Variants in CCDC32 observed in about 807,000 individuals in gnomAD.
The protein encoded by CCDC32 is coiled-coil domain containing 32, also known as coiled-coil domain-containing protein 32.
A neutral mutation model predicts 20.1 loss-of-function variants in CCDC32; 9 were observed. The observed-to-expected ratio is 0.45, with a 90% CI of 0.27 to 0.78. CCDC32 has a LOEUF of 0.78. Ranked by LOEUF, CCDC32 falls within the 30% of genes least tolerant of loss-of-function variation. CCDC32 has a pLI of 0.16. For missense variants in CCDC32, 204 were observed against 215.5 expected, an observed-to-expected ratio of 0.95 and a Z score of 0.33; for synonymous variants, 63 against 79.0, an observed-to-expected ratio of 0.80 and a Z score of 1.07.
intron 2 of CCDC32, among the ~76,000 whole-genome samples, chr15:40,562,504 C>T (rs11070278): frequency 0.88 from 134,470 of 152,106 alleles, 59,743 homozygotes; most frequent in Non-Finnish European, 0.93. Flanking sequence ...CGCTTGAACC[C>T]GGGAGGTGGA....
At chr15:40,537,841 T>TG (rs1889191630), downstream of CCDC32, 1 of 152,144 alleles carries the variant, frequency 6.6e-6, no homozygotes, top group Non-Finnish European at 1.5e-5. Flanking sequence ...TCTCAGCTAC[T>TG]GGGGAGGCTG....
intron 3 of CCDC32, among the ~76,000 whole-genome samples, chr15:40,540,749 C>G (rs969932682): frequency 3.3e-5 from 5 of 152,172 alleles, no homozygotes; most frequent in Non-Finnish European, 7.3e-5. Flanking sequence ...CTATCCTAAC[C>G]TTGACCACAG....
chr15:40,540,513 G>A (rs1216145140), intron 3 of CCDC32, among the ~76,000 whole-genome samples: 2 of 151,432 alleles, frequency 1.3e-5, no homozygotes, highest in East Asian at 1.9e-4. Context: ...GATTACAGGC[G>A]CCTGCCACCA....
At chr15:40,544,430 T>C (rs1435653179) in intron 3 of CCDC32, among the ~76,000 whole-genome samples, 1 of 152,120 alleles carries the variant, frequency 6.6e-6, no homozygotes, top group Non-Finnish European at 1.5e-5. Flanking sequence ...TTGCCCAGGC[T>C]GGTCTCAAAC....
downstream of CCDC32, among the ~76,000 whole-genome samples, chr15:40,527,113 G>A (rs2141593997): frequency 6.6e-6 from 1 of 150,670 alleles, no homozygotes; most frequent in Middle Eastern, 3.5e-3. Context: ...ACCATGCTGG[G>A]CCGATTTTTG....
At chr15:40,533,160 C>T (rs1328660961), downstream of CCDC32, among the ~76,000 whole-genome samples, 1 of 152,056 alleles carries the variant, frequency 6.6e-6, no homozygotes, top group East Asian at 1.9e-4. Context: ...CCTGCTATGC[C>T]CCAGGCTCTG....
At chr15:40,530,865 C>T (rs972893923), downstream of CCDC32, among the ~76,000 whole-genome samples, 32 of 151,292 alleles carry the variant, frequency 2.1e-4, no homozygotes, top group African/African-American at 7.5e-4. Flanking sequence ...GCGTGCGCCA[C>T]CACCCGGCTA....
At chr15:40,557,470 G>A (rs754217759) in intron 2 of CCDC32, 98 bp from the exon 3 acceptor site, 65 of 1,295,806 alleles carry the variant, frequency 5.0e-5, no homozygotes, top group Non-Finnish European at 6.2e-5. Flanking sequence ...ATCTCTCACC[G>A]ATGAGGACAT....
chr15:40,528,476 G>T (rs992788593), downstream of CCDC32, among the ~76,000 whole-genome samples: 25 of 152,302 alleles, frequency 1.6e-4, no homozygotes, highest in African/African-American at 5.8e-4. Context: ...AGGAGGGAAT[G>T]ACATGAAATT....
chr15:40,556,855 A>AT (rs1555414871), intron 3 of CCDC32: 2 of 159,864 alleles, frequency 1.3e-5, no homozygotes, highest in Non-Finnish European at 2.7e-5. Flanking sequence ...AAAAAAAAAA[A>AT]TCTGTAAAGC....
At chr15:40,563,320 G>T (rs144663058) in intron 1 of CCDC32, among the ~76,000 whole-genome samples, 42 of 152,166 alleles carry the variant, frequency 2.8e-4, no homozygotes, top group African/African-American at 9.9e-4. Flanking sequence ...TGGTGATCAC[G>T]CCATTGCACT....
At chr15:40,549,767 T>C (rs752422003), downstream of CCDC32, among the ~76,000 whole-genome samples, 3 of 152,230 alleles carry the variant, frequency 2.0e-5, no homozygotes, top group Non-Finnish European at 4.4e-5. Flanking sequence ...AATGGCAGTA[T>C]CCTATCTTGA....
At chr15:40,542,439 G>A (rs1211153243) in intron 3 of CCDC32, among the ~76,000 whole-genome samples, 1 of 152,168 alleles carries the variant, frequency 6.6e-6, no homozygotes, top group Non-Finnish European at 1.5e-5. Context: ...CCCTCCTCTA[G>A]GGAGCATTGC....
intron 3 of CCDC32, 131 bp from the exon 4 acceptor site, chr15:40,554,258 T>A: frequency 7.7e-7 from 1 of 1,301,078 alleles, no homozygotes; most frequent in Non-Finnish European, 1.0e-6. Context: ...TTTTCACTGC[T>A]AAACTGGGAA....
downstream of CCDC32, among the ~76,000 whole-genome samples, chr15:40,530,136 A>G (rs1002025052): frequency 3.3e-5 from 5 of 151,040 alleles, no homozygotes; most frequent in Non-Finnish European, 5.9e-5. Context: ...TACTAAAAAT[A>G]CAAAAAGTGA....
intron 3 of CCDC32, among the ~76,000 whole-genome samples, chr15:40,529,389 G>A (rs940522798): frequency 6.6e-6 from 1 of 152,112 alleles, no homozygotes; most frequent in Non-Finnish European, 1.5e-5. Context: ...CTATTCTTTG[G>A]TTGGTTATGT....
At chr15:40,526,397 C>T (rs1475323432), downstream of CCDC32, among the ~76,000 whole-genome samples, 2 of 152,192 alleles carry the variant, frequency 1.3e-5, no homozygotes, top group Non-Finnish European at 2.9e-5. Context: ...AATCTTTCCA[C>T]ATCAGTACAT....
chr15:40,549,189 C>T (rs1889741763), downstream of CCDC32, among the ~76,000 whole-genome samples: 1 of 152,144 alleles, frequency 6.6e-6, no homozygotes, highest in South Asian at 2.1e-4. Flanking sequence ...GCCATTAGCT[C>T]CCTGTTCTCC....
intron 3 of CCDC32, among the ~76,000 whole-genome samples, chr15:40,554,818 T>C (rs1890131302): frequency 6.6e-6 from 1 of 152,176 alleles, no homozygotes; most frequent in Admixed American, 6.5e-5. Flanking sequence ...CCTAAAGCTA[T>C]TAGACGTTCA....
Sources: allele counts gnomAD v4.1 joint callset (sites outside exome capture counted in the v4.1 genomes callset), GRCh38; gene constraint gnomAD v4.1.1; transcripts MANE v1.5; gene names NCBI Gene and HGNC (gene_info 2026-07-23, HGNC 2026-07-21).